Variants in PDE7B observed in about 807,000 individuals in gnomAD.
The protein encoded by PDE7B is 3',5'-cyclic-AMP phosphodiesterase 7B.
A neutral mutation model predicts 56.2 loss-of-function variants in PDE7B; 29 were observed. That is an observed-to-expected ratio of 0.52 (90% CI 0.38 to 0.70). The LOEUF is 0.70. Among genes scored for constraint, PDE7B ranks in the 30% least tolerant of loss-of-function variants. The pLI is 0.00. For missense variants in PDE7B, 490 were observed against 565.0 expected, an observed-to-expected ratio of 0.87 and a Z score of 1.35; for synonymous variants, 197 against 196.9, an observed-to-expected ratio of 1.00 and a Z score of 0.00.
chr6:136,003,551 C>T (rs542881618), intron 2 of PDE7B, among the ~76,000 whole-genome samples: 143 of 152,230 alleles, frequency 9.4e-4, no homozygotes, highest in African/African-American at 3.3e-3. Flanking sequence ...GTACAAACTA[C>T]CATCAGAGAA....
At chr6:135,870,226 A>C (rs1775350461) in intron 1 of PDE7B, among the ~76,000 whole-genome samples, 1 of 152,178 alleles carries the variant, frequency 6.6e-6, no homozygotes, top group African/African-American at 2.4e-5. Context: ...ATATAGGACC[A>C]AATGGTGGAT....
chr6:136,189,960 G>T (rs569103003), intron 12 of PDE7B, among the ~76,000 whole-genome samples: 131 of 152,260 alleles, frequency 8.6e-4, no homozygotes, highest in African/African-American at 2.7e-3. Context: ...CAGATATAGT[G>T]CCAGGGTCAC....
intron 2 of PDE7B, among the ~76,000 whole-genome samples, chr6:136,055,260 G>A (rs1052468376): frequency 6.6e-6 from 1 of 152,200 alleles, no homozygotes; most frequent in Non-Finnish European, 1.5e-5. Context: ...TTTTATGTGT[G>A]GGGAGTGAGA....
chr6:136,018,333 T>C (rs1376044086), intron 2 of PDE7B, among the ~76,000 whole-genome samples: 2 of 152,210 alleles, frequency 1.3e-5, no homozygotes, highest in Non-Finnish European at 2.9e-5. Flanking sequence ...AAAACCACAC[T>C]GCACCTGAAA....
At position 136,004,692 on chromosome 6, in the gene PDE7B, G is replaced by T. The variant is rs183648935; in HGVS notation, c.82+57168G>T. 6.0e-3 allele frequency among the ~76,000 whole-genome samples: 910 copies of T among 151,988 alleles called. 17 individuals carry two copies. Among genetic ancestry groups the T allele is most frequent in the East Asian group, 0.026 (136 of 5,168 alleles). Reference sequence around the variant, plus strand: ...AGGAGAACTACAAACCACTGCTCAAGGAAATAAAAGAGGATACAAACAAGT... The same window carrying T: ...AGGAGAACTACAAACCACTGCTCAATGAAATAAAAGAGGATACAAACAAGT... On this transcript the variant is annotated intron_variant, in intron 2 of 12. Coordinates refer to ENST00000308191, the MANE Select transcript of PDE7B (RefSeq NM_018945.4).
chr6:136,151,281 G>GC (rs1778509244), intron 6 of PDE7B, 26 bp downstream of exon 6: 1 of 1,213,986 alleles, frequency 8.2e-7, no homozygotes, highest in Non-Finnish European at 1.2e-6. Context: ...CACATTTCTA[G>GC]CCCCATTCTC....
chr6:136,122,807 T>G (rs1404696071), intron 3 of PDE7B, among the ~76,000 whole-genome samples: 1 of 152,192 alleles, frequency 6.6e-6, no homozygotes, highest in African/African-American at 2.4e-5. Context: ...AGTAGCTGTA[T>G]GGGAGCATAG....
chr6:136,194,635 G>A lies in PDE7B; in HGVS notation c.*2795G>A, dbSNP rs145947658. ...TGGCGGGGTGCGGTGGCTCACGCCTGTAATCCTAGCACTTTGGGAGGCCAA... is the reference window on the plus strand; with the variant it reads ...TGGCGGGGTGCGGTGGCTCACGCCTATAATCCTAGCACTTTGGGAGGCCAA... On this transcript the variant is annotated 3_prime_UTR_variant, in exon 13 of 13. Transcript: ENST00000308191. 10 of 152,352 alleles carry A rather than the reference G, an allele frequency of 6.6e-5. No individual in the cohort carries two copies. In the East Asian group the frequency reaches 1.9e-3, roughly 29 times the overall value. 9.4% of individuals were successfully genotyped at this position (152,352 alleles called of 1,614,324 possible). A position where few individuals can be genotyped will look rare whatever the true frequency, so the allele number is the denominator to read the frequency against.
At chr6:136,149,195 T>A in intron 5 of PDE7B, 45 bp downstream of exon 5, 1 of 1,263,902 alleles carries the variant, frequency 7.9e-7, no homozygotes, top group Non-Finnish European at 1.2e-6. Context: ...CACCATAAAG[T>A]GGGATTAATT....
chr6:135,918,766 G>A lies in PDE7B; in HGVS notation c.22-28698G>A, dbSNP rs557931470. On this transcript the variant is annotated intron_variant, in intron 1 of 12. Transcript: ENST00000308191. ...TAAGGTGGAAATACAATATCTTATGGCATTTTAAGGCATTCCATTTATGCG... is the reference window on the plus strand; with the variant it reads ...TAAGGTGGAAATACAATATCTTATGACATTTTAAGGCATTCCATTTATGCG... Among the ~76,000 whole-genome samples, 7 of 152,192 alleles carry A rather than the reference G, an allele frequency of 4.6e-5. No individual in the cohort carries two copies. In the South Asian group the frequency reaches 1.5e-3, roughly 32 times the overall value.
chr6:135,964,768 G>A (rs1757376322), intron 2 of PDE7B, among the ~76,000 whole-genome samples: 1 of 152,188 alleles, frequency 6.6e-6, no homozygotes, highest in Non-Finnish European at 1.5e-5. Flanking sequence ...CAAAACTTCT[G>A]TCCCAGGAGC....
chr6:135,860,336 A>G (rs1392101876), intron 1 of PDE7B, among the ~76,000 whole-genome samples: 3 of 152,094 alleles, frequency 2.0e-5, no homozygotes, highest in Non-Finnish European at 4.4e-5. Flanking sequence ...TTTTTAAAAT[A>G]CACAAAATAT....
At chr6:135,865,657 G>GTGTGTGTGGA (rs1554262863) in intron 1 of PDE7B, among the ~76,000 whole-genome samples, 5 of 146,730 alleles carry the variant, frequency 3.4e-5, no homozygotes, top group African/African-American at 1.0e-4. Flanking sequence ...GTGTATGTGT[G>GTGTGTGTGGA]GAGAGAGAGA....
intron 1 of PDE7B, among the ~76,000 whole-genome samples, chr6:135,887,657 T>C (rs1562425605): frequency 6.6e-6 from 1 of 152,166 alleles, no homozygotes; most frequent in Non-Finnish European, 1.5e-5. Context: ...AGAGAATATA[T>C]TAATTAGGGG....
intron 2 of PDE7B, among the ~76,000 whole-genome samples, chr6:136,043,465 C>T (rs1437501920): frequency 1.3e-5 from 2 of 151,050 alleles, no homozygotes; most frequent in African/African-American, 4.9e-5. Flanking sequence ...AACTGTGTGA[C>T]CCTGGGTGGG....
chr6:136,004,592 T>C (rs918141805), intron 2 of PDE7B, among the ~76,000 whole-genome samples: 140 of 151,360 alleles, frequency 9.2e-4, no homozygotes, highest in African/African-American at 3.3e-3. Context: ...ATGAGTGAAC[T>C]CCCATTCACA....
intron 2 of PDE7B, among the ~76,000 whole-genome samples, chr6:136,098,994 T>C (rs1257826683): frequency 3.3e-5 from 5 of 150,980 alleles, no homozygotes; most frequent in Admixed American, 2.6e-4. Context: ...TCTCATCATT[T>C]AACTCCCAGT....
At chr6:135,975,073 G>A (rs1379891705) in intron 2 of PDE7B, among the ~76,000 whole-genome samples, 1 of 128,304 alleles carries the variant, frequency 7.8e-6, no homozygotes, top group Non-Finnish European at 1.6e-5. Flanking sequence ...AGCAGCAGCT[G>A]CTGCTCTGCC....
chr6:135,901,882 G>C (rs2128191902), intron 1 of PDE7B, among the ~76,000 whole-genome samples: 1 of 152,256 alleles, frequency 6.6e-6, no homozygotes. Flanking sequence ...CCTGAGCTGA[G>C]CAATGAAATA....
Sources: gnomAD v4.1 joint callset for allele counts (sites outside exome capture counted in the v4.1 genomes callset) on GRCh38, gnomAD v4.1.1 for gene constraint, MANE v1.5 for transcripts, NCBI Gene and HGNC (gene_info 2026-07-23, HGNC 2026-07-21) for gene names.